The following CGN variants were observed in gnomAD, a reference collection of about 807,000 sequenced individuals.
CGN encodes the protein cingulin.
CGN carries 121 observed loss-of-function variants against 157.1 expected under a neutral mutation model. The observed-to-expected ratio is 0.77, with a 90% CI of 0.66 to 0.90. The LOEUF is 0.90. Ranked by LOEUF, CGN falls within the 40% of genes least tolerant of loss-of-function variation. The pLI is 0.00. For synonymous variants in CGN, 535 were observed against 607.5 expected, an observed-to-expected ratio of 0.88 and a Z score of 1.76; for missense variants, 1,424 against 1,520.9, an observed-to-expected ratio of 0.94 and a Z score of 1.06.
chr1:151,528,963 G>A (rs1440102630), intron 10 of CGN, among the ~76,000 whole-genome samples: 1 of 152,178 alleles, frequency 6.6e-6, no homozygotes, highest in African/African-American at 2.4e-5. Context: ...TTGTCCATGT[G>A]GTAGCAAGTA....
At chr1:151,529,264 G>T in intron 10 of CGN, 86 bp from the exon 11 acceptor site, 2 of 1,145,900 alleles carry the variant, frequency 1.7e-6, no homozygotes. Flanking sequence ...TATTCCCTTG[G>T]CAGTGTATGA....
chr1:151,527,219 G>A (rs1571664243), intron 10 of CGN, 112 bp downstream of exon 10: 2 of 1,157,170 alleles, frequency 1.7e-6, no homozygotes, highest in Non-Finnish European at 2.6e-6. Flanking sequence ...TTGGTTTCCA[G>A]GCCTCATCCT....
Position 151,530,469 on chromosome 1 carries a change from C to T in CGN, c.2314-20C>T. 1 of 1,544,984 alleles carries T rather than the reference C, an allele frequency of 6.5e-7. No homozygotes were observed. Among genetic ancestry groups the T allele is most frequent in the Non-Finnish European group, 8.6e-7 (1 of 1,156,970 alleles). ...AAGTTTTACCTTTTCTCAGTCCAAC[C>T]CTGCTTCCCTACCTCCCAGGCAGAG... is the stretch of plus-strand genomic sequence containing the variant. On this transcript the variant is annotated intron_variant, in intron 12 of 20. Coordinates refer to ENST00000271636, the MANE Select transcript of CGN (RefSeq NM_020770.3).
At chr1:151,518,125 G>A in intron 1 of CGN, among the ~76,000 whole-genome samples, 1 of 152,212 alleles carries the variant, frequency 6.6e-6, no homozygotes, top group East Asian at 1.9e-4. Flanking sequence ...GGGATTACAG[G>A]TGTGAGCCAC....
intron 15 of CGN, 55 bp from the exon 16 acceptor site, chr1:151,534,987 T>A (rs1262257101): frequency 7.8e-6 from 10 of 1,280,102 alleles, no homozygotes; most frequent in Non-Finnish European, 9.1e-6. Flanking sequence ...CTGGTCTGAG[T>A]TTGGCATTCT....
intron 1 of CGN, among the ~76,000 whole-genome samples, chr1:151,512,786 G>A (rs533349264): frequency 1.6e-4 from 25 of 152,350 alleles, no homozygotes; most frequent in Admixed American, 7.8e-4. Context: ...ATGTTTGGGA[G>A]TCTGGGGGCT....
chr1:151,527,554 C>T (rs899627859), intron 10 of CGN, among the ~76,000 whole-genome samples: 1 of 152,070 alleles, frequency 6.6e-6, no homozygotes, highest in Admixed American at 6.6e-5. Context: ...ATCACATGGA[C>T]TGGAATACTT....
intron 10 of CGN, 87 bp downstream of exon 10, chr1:151,527,194 C>A (rs1281903281): frequency 1.4e-6 from 2 of 1,470,282 alleles, no homozygotes; most frequent in Non-Finnish European, 1.9e-6. Flanking sequence ...GCTAGTGGGG[C>A]TATCTCCTGT....
At chr1:151,516,788 C>A (rs767067673) in intron 1 of CGN, among the ~76,000 whole-genome samples, 1 of 151,542 alleles carries the variant, frequency 6.6e-6, no homozygotes, top group Non-Finnish European at 1.5e-5. Flanking sequence ...GTGATCCACA[C>A]GCCTTGGCCT....
chr1:151,534,279 GT>G lies in CGN; in HGVS notation c.2904+146del, dbSNP rs1403632523. On this transcript the variant is annotated intron_variant, in intron 15 of 20. Transcript: ENST00000271636. The stretch of plus-strand genomic sequence containing the variant: ...CAACAACTTTGAATCAATTGCCAAT[GT>G]TTAGAAATTTATAGAGGTCACCTAA... The G allele has an allele frequency of 6.7e-5, 56 of 834,330 alleles. No individual in the cohort carries two copies. The East Asian group carries it at 1.6e-3, about 23-fold the overall frequency. 51.7% of individuals were successfully genotyped at this position (834,330 alleles called of 1,614,324 possible). A position where few individuals can be genotyped will look rare whatever the true frequency, so the allele number is the denominator to read the frequency against.
chr1:151,528,543 A>G (rs146672443), intron 10 of CGN, among the ~76,000 whole-genome samples: 6,005 of 151,672 alleles, frequency 0.04, 416 homozygotes, highest in African/African-American at 0.14. Flanking sequence ...CAGCTTCCCA[A>G]GCAGCTGGGA....
chr1:151,514,623 A>C (rs945149809), intron 1 of CGN, among the ~76,000 whole-genome samples: 1 of 152,112 alleles, frequency 6.6e-6, no homozygotes, highest in Non-Finnish European at 1.5e-5. Context: ...GCTGCTAGCC[A>C]TGGTCTTTGC....
At chr1:151,517,723 G>C (rs1305319994) in intron 1 of CGN, among the ~76,000 whole-genome samples, 1 of 152,094 alleles carries the variant, frequency 6.6e-6, no homozygotes, top group East Asian at 1.9e-4. Context: ...TGTTGGTCAG[G>C]CTGGTCTTGA....
intron 1 of CGN, among the ~76,000 whole-genome samples, chr1:151,516,789 G>A (rs1011534625): frequency 1.3e-5 from 2 of 150,388 alleles, no homozygotes; most frequent in Non-Finnish European, 3.0e-5. Context: ...TGATCCACAC[G>A]CCTTGGCCTC....
rs772961697 is a variant in CGN, at chr1:151,535,083, G to A, written c.2946G>A (p.Lys982=). 3 of 1,614,138 alleles carry A rather than the reference G, an allele frequency of 1.9e-6. No homozygotes were observed. Among genetic ancestry groups the A allele is most frequent in the East Asian group, 2.2e-5 (1 of 44,878 alleles). ...TGGAAACAGAGTTAGATGAGGAGAA[G>A]AACACCGTGGAGCTGCTAACAGATC... ...SRLETELDEE[K]NTVELLTDRV... The change falls in exon 16 of 21, where the codon AAG becomes AAA. Residue 982 remains lysine (K), a synonymous_variant. Transcript: ENST00000271636.
intron 10 of CGN, among the ~76,000 whole-genome samples, chr1:151,527,562 C>T (rs1664709616): frequency 6.6e-6 from 1 of 152,054 alleles, no homozygotes; most frequent in Non-Finnish European, 1.5e-5. Flanking sequence ...GACTGGAATA[C>T]TTGTGTTGGC....
chr1:151,516,788 C>T (rs767067673), intron 1 of CGN, among the ~76,000 whole-genome samples: 14 of 151,658 alleles, frequency 9.2e-5, no homozygotes, highest in East Asian at 2.0e-4. Flanking sequence ...GTGATCCACA[C>T]GCCTTGGCCT....
In CGN at chr1:151,518,598, G is replaced by C. The variant is rs760634522; in HGVS notation, c.79G>C (p.Val27Leu). 2.5e-6 allele frequency: 4 copies of C among 1,614,194 alleles called. No individual in the cohort carries two copies. Among genetic ancestry groups the C allele is most frequent in the Middle Eastern group, 1.7e-4 (1 of 6,060 alleles). ...GVQIRFITEP[V>L]SGAEMGTLRR... ...CCAGATTCGCTTCATCACAGAGCCA[G>C]TGAGTGGTGCAGAGATGGGCACTCT... The change falls in exon 2 of 21, where the codon GTG becomes CTG. Residue 27 changes from valine to leucine, a missense_variant. Val to Leu is a conservative substitution (Grantham distance 32, BLOSUM62 1). Around this residue, in one of 3 missense-constraint regions of CGN, gnomAD observed 1,187 missense variants for 1,217.6 expected, o/e 0.97. Coordinates refer to ENST00000271636, the MANE Select transcript of CGN (RefSeq NM_020770.3).
At chr1:151,526,277 C>T (rs1571663237) in intron 9 of CGN, among the ~76,000 whole-genome samples, 1 of 144,344 alleles carries the variant, frequency 6.9e-6, no homozygotes, top group East Asian at 2.1e-4. Flanking sequence ...CTCCTGGGTT[C>T]AAGCGATTCT....
Sources: allele counts gnomAD v4.1 joint callset (sites outside exome capture counted in the v4.1 genomes callset), GRCh38; gene constraint gnomAD v4.1.1; regional missense constraint gnomAD v4.1.1; transcripts MANE v1.5; gene names NCBI Gene and HGNC (gene_info 2026-07-23, HGNC 2026-07-21).